Variants in NKAIN3 observed in about 807,000 individuals in gnomAD.
NKAIN3 encodes the protein sodium/potassium-transporting ATPase subunit beta-1-interacting protein 3.
A neutral mutation model predicts 30.2 loss-of-function variants in NKAIN3; 25 were observed. That is an observed-to-expected ratio of 0.83 (90% CI 0.60 to 1.16). The LOEUF is 1.16. Ranked by LOEUF, NKAIN3 falls within the 50% of genes most tolerant of loss-of-function variation. The pLI is 0.00. For missense variants in NKAIN3, 225 were observed against 254.1 expected (o/e 0.89, Z 0.78); for synonymous variants, 91 against 89.6 (o/e 1.02, Z -0.09).
chr8:62,483,491 G>A (rs1806796374), intron 1 of NKAIN3: 1 of 162,946 alleles, frequency 6.1e-6, no homozygotes, highest in African/African-American at 2.4e-5. Context: ...ACCAATGCTG[G>A]ACTGGAGTGT....
intron 4 of NKAIN3, among the ~76,000 whole-genome samples, chr8:62,830,578 T>C: frequency 6.6e-6 from 1 of 152,200 alleles, no homozygotes; most frequent in African/African-American, 2.4e-5. Context: ...ATAAAAGTAG[T>C]TATATTTCTG....
At chr8:62,814,883 G>T (rs1818625077) in intron 4 of NKAIN3, among the ~76,000 whole-genome samples, 2 of 152,024 alleles carry the variant, frequency 1.3e-5, no homozygotes, top group Non-Finnish European at 2.9e-5. Flanking sequence ...ACTAAAATCA[G>T]AGCAGAACAG....
chr8:62,897,960 A>G (rs1821485942), intron 4 of NKAIN3, among the ~76,000 whole-genome samples: 2 of 152,076 alleles, frequency 1.3e-5, no homozygotes, highest in Admixed American at 1.3e-4. Context: ...AAATTAATAT[A>G]TTTTCTTTAT....
In NKAIN3 at chr8:62,974,284, TC is replaced by T. The variant is rs1823898247; in HGVS notation, c.*8879del. Among the ~76,000 whole-genome samples the T allele has an allele frequency of 6.6e-6, 1 of 152,168 alleles. No homozygotes were observed. Among genetic ancestry groups the T allele is most frequent in the South Asian group, 2.1e-4 (1 of 4,832 alleles). On this transcript the variant is annotated 3_prime_UTR_variant, in exon 7 of 7. Transcript: ENST00000623646. ...TGGCCATTTTTACAATATTGATTCTTCCTATCCATGAGCATGGAATGTTTTT... is the reference window on the plus strand; with the variant it reads ...TGGCCATTTTTACAATATTGATTCTTCTATCCATGAGCATGGAATGTTTTT...
At chr8:62,791,097 A>C (rs1304435900) in intron 4 of NKAIN3, among the ~76,000 whole-genome samples, 2 of 151,638 alleles carry the variant, frequency 1.3e-5, no homozygotes, top group Admixed American at 1.3e-4. Context: ...CTCAAATCTC[A>C]CTTCTGCTGC....
intron 1 of NKAIN3, among the ~76,000 whole-genome samples, chr8:62,467,449 C>G (rs1162741427): frequency 6.6e-6 from 1 of 152,140 alleles, no homozygotes; most frequent in African/African-American, 2.4e-5. Context: ...TAAATTAGTG[C>G]TCCTTTTTGA....
At chr8:62,284,816 T>C (rs540349231) in intron 1 of NKAIN3, among the ~76,000 whole-genome samples, 4 of 152,214 alleles carry the variant, frequency 2.6e-5, no homozygotes, top group South Asian at 4.1e-4. Flanking sequence ...GAATCTCACC[T>C]ATGTAATTAC....
intron 1 of NKAIN3, among the ~76,000 whole-genome samples, chr8:62,291,560 C>G (rs1017594279): frequency 1.2e-4 from 18 of 152,186 alleles, no homozygotes; most frequent in Admixed American, 8.5e-4. Flanking sequence ...GAGTGAATTT[C>G]TTAAGTCTGA....
chr8:62,887,836 A>G, intron 4 of NKAIN3, among the ~76,000 whole-genome samples: 1 of 152,094 alleles, frequency 6.6e-6, no homozygotes, highest in Non-Finnish European at 1.5e-5. Context: ...GTTGTTTCAA[A>G]TTTTTATTCC....
Position 62,272,464 on chromosome 8 carries a change from C to T in NKAIN3, c.54+23337C>T, listed in dbSNP as rs1812809624. ...AGCAGTGAGTCTCTCTCTGGGTTCT[C>T]CGACAGGAAGGCTAAAGACAAAAGT... On this transcript the variant is annotated intron_variant, in intron 1 of 6. Transcript: ENST00000623646. Among the ~76,000 whole-genome samples the T allele has an allele frequency of 5.9e-5, 9 of 152,106 alleles. No individual in the cohort carries two copies. In the South Asian group the frequency reaches 1.9e-3, roughly 31 times the overall value.
At chr8:62,583,751 ATAG>A (rs1192544364) in intron 2 of NKAIN3, among the ~76,000 whole-genome samples, 1 of 152,160 alleles carries the variant, frequency 6.6e-6, no homozygotes, top group Non-Finnish European at 1.5e-5. Context: ...AAGTTGTGAT[ATAG>A]GAAACAGTCT....
At chr8:62,339,386 T>C (rs1333172180) in intron 1 of NKAIN3, among the ~76,000 whole-genome samples, 1 of 152,030 alleles carries the variant, frequency 6.6e-6, no homozygotes, top group Non-Finnish European at 1.5e-5. Flanking sequence ...AGAAGCTCAG[T>C]CTGACTGCTG....
chr8:62,255,695 G>T (rs938307319), intron 1 of NKAIN3, among the ~76,000 whole-genome samples: 2 of 152,180 alleles, frequency 1.3e-5, no homozygotes, highest in Non-Finnish European at 2.9e-5. Context: ...AGAAGGTTGA[G>T]ACCATGTCAT....
intron 1 of NKAIN3, among the ~76,000 whole-genome samples, chr8:62,439,418 A>T (rs546702373): frequency 4.1e-4 from 62 of 152,310 alleles, no homozygotes; most frequent in African/African-American, 1.5e-3. Flanking sequence ...TTTCTGTCTT[A>T]AAAAGACCAA....
At chr8:62,838,968 A>C (rs1409836462) in intron 4 of NKAIN3, among the ~76,000 whole-genome samples, 1 of 152,102 alleles carries the variant, frequency 6.6e-6, no homozygotes, top group Non-Finnish European at 1.5e-5. Context: ...GCTCCTGAGT[A>C]CAAGGATTGT....
intron 1 of NKAIN3, among the ~76,000 whole-genome samples, chr8:62,346,834 C>G (rs1816022747): frequency 6.6e-6 from 1 of 152,114 alleles, no homozygotes; most frequent in African/African-American, 2.4e-5. Context: ...AATTTAGTGA[C>G]TATCACAAGG....
At position 62,545,472 on chromosome 8, in the gene NKAIN3, G is replaced by A. The variant is rs554463170; in HGVS notation, c.55-34067G>A. 1.3e-4 allele frequency among the ~76,000 whole-genome samples: 20 copies of A among 152,294 alleles called. No individual in the cohort carries two copies. The East Asian group carries it at 3.1e-3, about 24-fold the overall frequency. Reference sequence around the variant, plus strand: ...GTGTCCCAGCTACTCAGGAGGCTGAGGTAGGAGAATTACTTGAACCTGGGA... The same window carrying A: ...GTGTCCCAGCTACTCAGGAGGCTGAAGTAGGAGAATTACTTGAACCTGGGA... On this transcript the variant is annotated intron_variant, in intron 1 of 6. Coordinates refer to ENST00000623646, the MANE Select transcript of NKAIN3 (RefSeq NM_001304533.3).
intron 4 of NKAIN3, chr8:62,856,299 G>A: frequency 2.1e-6 from 2 of 933,814 alleles, no homozygotes; most frequent in South Asian, 2.6e-5. Context: ...TAAATGCCCA[G>A]AGATCACTAT....
At chr8:62,613,618 T>G (rs946037536) in intron 3 of NKAIN3, among the ~76,000 whole-genome samples, 7 of 152,192 alleles carry the variant, frequency 4.6e-5, no homozygotes, top group Admixed American at 2.0e-4. Context: ...TACTCATGTC[T>G]CTTTCTCTAC....
Sources: gnomAD v4.1 joint callset for allele counts (sites outside exome capture counted in the v4.1 genomes callset) on GRCh38, gnomAD v4.1.1 for gene constraint, MANE v1.5 for transcripts, NCBI Gene and HGNC (gene_info 2026-07-23, HGNC 2026-07-21) for gene names.